Variants in SLC13A1 observed in about 807,000 individuals in gnomAD.
The protein encoded by SLC13A1 is Na(+)/sulfate cotransporter.
SLC13A1 carries 65 observed loss-of-function variants against 70.0 expected under a neutral mutation model. That is an observed-to-expected ratio of 0.93 (90% CI 0.76 to 1.14). The LOEUF is 1.14. Among genes scored for constraint, SLC13A1 ranks in the 50% most tolerant of loss-of-function variants. The pLI, the probability that SLC13A1 is intolerant of heterozygous loss-of-function variation, is 0.00. For missense variants in SLC13A1, 726 were observed against 717.8 expected (o/e 1.01, Z -0.13); for synonymous variants, 275 against 250.5 (o/e 1.10, Z -0.92).
At chr7:123,190,180 A>T (rs1795949321) in intron 1 of SLC13A1, among the ~76,000 whole-genome samples, 1 of 152,184 alleles carries the variant, frequency 6.6e-6, no homozygotes, top group Non-Finnish European at 1.5e-5. Context: ...GTAGTATACT[A>T]TAAGAGACAT....
chr7:123,114,165 G>C lies in SLC13A1; in HGVS notation c.*1353C>G, dbSNP rs1563312520. 1 of 150,714 alleles carries C rather than the reference G, an allele frequency of 6.6e-6. No individual in the cohort carries two copies. Among genetic ancestry groups the C allele is most frequent in the Non-Finnish European group, 1.5e-5 (1 of 67,768 alleles). The allele number at this position is 150,714 out of a possible 1,614,324, so 9.3% of individuals were successfully genotyped here. Reference sequence around the variant, plus strand: ...GTATTTTTAGCATGAGAATTGCTGTGATATAACATCTGCATCTTTTGCTAA... The same window carrying C: ...GTATTTTTAGCATGAGAATTGCTGTCATATAACATCTGCATCTTTTGCTAA... On this transcript the variant is annotated 3_prime_UTR_variant, in exon 15 of 15. Coordinates refer to ENST00000194130, the MANE Select transcript of SLC13A1 (RefSeq NM_022444.4).
Position 123,169,350 on chromosome 7 carries a change from C to G in SLC13A1, c.366-15G>C. The G allele has an allele frequency of 6.2e-7, 1 of 1,608,642 alleles. No homozygotes were observed. Among genetic ancestry groups the G allele is most frequent in the Non-Finnish European group, 8.5e-7 (1 of 1,179,192 alleles). On this transcript the variant is annotated splice_polypyrimidine_tract_variant and intron_variant, in intron 3 of 14. Coordinates refer to ENST00000194130, the MANE Select transcript of SLC13A1 (RefSeq NM_022444.4). Reference sequence around the variant, plus strand: ...CCAGCGTCAGCCTGAAACCAGAGAGCCATTATTGTGGAGCTGTGCTCTTAG... The same window carrying G: ...CCAGCGTCAGCCTGAAACCAGAGAGGCATTATTGTGGAGCTGTGCTCTTAG...
chr7:123,182,651 T>G (rs574642253), intron 1 of SLC13A1, among the ~76,000 whole-genome samples: 24 of 152,246 alleles, frequency 1.6e-4, no homozygotes, highest in African/African-American at 5.8e-4. Context: ...GAATACATAG[T>G]GCTAGCTGGT....
intron 11 of SLC13A1, among the ~76,000 whole-genome samples, chr7:123,125,344 A>T (rs1793522011): frequency 6.6e-6 from 1 of 152,180 alleles, no homozygotes; most frequent in African/African-American, 2.4e-5. Flanking sequence ...GCCATGATAC[A>T]AAAGGAAATC....
intron 12 of SLC13A1, among the ~76,000 whole-genome samples, chr7:123,122,769 A>G (rs1793426736): frequency 6.6e-6 from 1 of 152,148 alleles, no homozygotes; most frequent in Admixed American, 6.6e-5. Flanking sequence ...AAATAAGGTA[A>G]AGGCATAAGC....
chr7:123,195,590 T>C (rs1796152057), intron 1 of SLC13A1, among the ~76,000 whole-genome samples: 2 of 152,036 alleles, frequency 1.3e-5, no homozygotes, highest in Non-Finnish European at 2.9e-5. Context: ...CATCTGTTTA[T>C]TTTATTTTTA....
intron 2 of SLC13A1, among the ~76,000 whole-genome samples, chr7:123,179,988 C>G (rs1463316908): frequency 6.6e-6 from 1 of 151,988 alleles, no homozygotes; most frequent in Admixed American, 6.6e-5. Context: ...TCTGAGATTC[C>G]ATGCGGCAGC....
chr7:123,127,736 A>G (rs1049141215), intron 10 of SLC13A1, among the ~76,000 whole-genome samples: 2 of 151,952 alleles, frequency 1.3e-5, no homozygotes, highest in Admixed American at 6.6e-5. Flanking sequence ...GACAATGCCT[A>G]TAAAACCAGA....
chr7:123,195,942 C>T (rs957848317), intron 1 of SLC13A1, among the ~76,000 whole-genome samples: 19 of 152,064 alleles, frequency 1.2e-4, no homozygotes, highest in African/African-American at 4.3e-4. Flanking sequence ...TGATTTTCCC[C>T]TCTTACTTCT....
In SLC13A1 at chr7:123,169,299, C is replaced by G. The variant is rs776557809; in HGVS notation, c.402G>C (p.Leu134Phe). 2.5e-6 allele frequency: 4 copies of G among 1,613,376 alleles called. No homozygotes were observed. The East Asian group carries it at 8.9e-5, about 36-fold the overall frequency. ...TLGFMSSTAF[L>F]SMWLSNTSTA... ...TCGAGGTGTTGCTGAGCCACATAGACAAAAAGGCAGTGCTGCTCATGAACC... is the reference window on the plus strand; with the variant it reads ...TCGAGGTGTTGCTGAGCCACATAGAGAAAAAGGCAGTGCTGCTCATGAACC... Residue 134 changes from leucine (L) to phenylalanine (F), a missense_variant, in exon 4 of 15, where the codon TTG (leucine) becomes TTC (phenylalanine). Leu to Phe is a conservative substitution (Grantham distance 22, BLOSUM62 0). Transcript: ENST00000194130.
chr7:123,181,134 A>G (rs758152530), intron 1 of SLC13A1, 33 bp from the exon 2 acceptor site: 1 of 1,601,670 alleles, frequency 6.2e-7, no homozygotes, highest in South Asian at 1.1e-5. Context: ...AAAAGGTGAT[A>G]TTATGAGGCT....
intron 8 of SLC13A1, among the ~76,000 whole-genome samples, chr7:123,130,666 G>A (rs1400066677): frequency 2.0e-5 from 3 of 152,176 alleles, no homozygotes; most frequent in Admixed American, 6.5e-5. Context: ...CATGGCACAC[G>A]TTTGCCTACA....
At chr7:123,185,504 A>G (rs1795769438) in intron 1 of SLC13A1, among the ~76,000 whole-genome samples, 1 of 152,072 alleles carries the variant, frequency 6.6e-6, no homozygotes, top group South Asian at 2.1e-4. Flanking sequence ...GCAGGTGGAT[A>G]TTTAGTTTCA....
intron 8 of SLC13A1, among the ~76,000 whole-genome samples, chr7:123,131,738 A>T (rs528364875): frequency 6.6e-6 from 1 of 152,286 alleles, no homozygotes; most frequent in African/African-American, 2.4e-5. Context: ...AATTAGCTGG[A>T]GCATGAATCT....
At chr7:123,129,908 C>T (rs897412275) in intron 8 of SLC13A1, among the ~76,000 whole-genome samples, 1 of 152,030 alleles carries the variant, frequency 6.6e-6, no homozygotes, top group Non-Finnish European at 1.5e-5. Context: ...AAGTTTTAGC[C>T]CACTAGTTAA....
chr7:123,123,313 C>T, intron 11 of SLC13A1, 78 bp from the exon 12 acceptor site: 1 of 881,160 alleles, frequency 1.1e-6, no homozygotes, highest in East Asian at 2.4e-5. Context: ...CCTAAGTAGC[C>T]ATCTTACAGG....
intron 7 of SLC13A1, among the ~76,000 whole-genome samples, chr7:123,139,306 T>G (rs1794054735): frequency 6.6e-6 from 1 of 152,136 alleles, no homozygotes; most frequent in Non-Finnish European, 1.5e-5. Context: ...CATGCTGTCT[T>G]GATTACTATA....
At chr7:123,173,208 C>T (rs1402859435) in intron 2 of SLC13A1, among the ~76,000 whole-genome samples, 4 of 152,044 alleles carry the variant, frequency 2.6e-5, no homozygotes. Flanking sequence ...GATAATTTTG[C>T]TATATTAAAT....
intron 7 of SLC13A1, among the ~76,000 whole-genome samples, chr7:123,142,829 G>A (rs1794205257): frequency 6.6e-6 from 1 of 151,878 alleles, no homozygotes; most frequent in South Asian, 2.1e-4. Flanking sequence ...ATGTTGGCCA[G>A]GCTGGTTTTG....
Sources: allele counts gnomAD v4.1 joint callset (sites outside exome capture counted in the v4.1 genomes callset), GRCh38; gene constraint gnomAD v4.1.1; transcripts MANE v1.5; gene names NCBI Gene and HGNC (gene_info 2026-07-23, HGNC 2026-07-21).